The following ORC4 variants were observed in gnomAD, a reference collection of about 807,000 sequenced individuals.
ORC4 encodes origin recognition complex, subunit 4 homolog.
Under a neutral mutation model 63.9 loss-of-function variants are expected in ORC4, and 55 were observed. That is an observed-to-expected ratio of 0.86 (90% CI 0.69 to 1.08). The LOEUF (loss-of-function observed/expected upper bound fraction) is 1.08. ORC4 is among the 50% of genes least tolerant of loss of function. The pLI is 0.00. For missense variants in ORC4, 511 were observed against 504.4 expected (o/e 1.01, Z -0.13); for synonymous variants, 150 against 168.5 (o/e 0.89, Z 0.85).
chr2:147,974,304 G>A (rs2105353027), intron 2 of ORC4, among the ~76,000 whole-genome samples: 1 of 152,176 alleles, frequency 6.6e-6, no homozygotes, highest in African/African-American at 2.4e-5. Flanking sequence ...CTATAAAATA[G>A]GGACAATAAC....
chr2:147,963,496 G>A (rs566714430), intron 4 of ORC4, among the ~76,000 whole-genome samples: 1 of 152,136 alleles, frequency 6.6e-6, no homozygotes, highest in Non-Finnish European at 1.5e-5. Context: ...GAACCCCTCA[G>A]CAGATACGGC....
intron 2 of ORC4, among the ~76,000 whole-genome samples, chr2:147,973,813 T>C (rs1690367156): frequency 6.6e-6 from 1 of 152,220 alleles, no homozygotes; most frequent in South Asian, 2.1e-4. Flanking sequence ...GCCATTGTAA[T>C]GCATGTGAAC....
At chr2:147,937,581 A>G (rs1408451972) in intron 13 of ORC4, among the ~76,000 whole-genome samples, 1 of 152,180 alleles carries the variant, frequency 6.6e-6, no homozygotes, top group Admixed American at 6.5e-5. Context: ...CACATTTTTG[A>G]TATGTTGCAT....
intron 13 of ORC4, 128 bp from the exon 14 acceptor site, chr2:147,935,826 A>C: frequency 1.4e-6 from 1 of 715,694 alleles, no homozygotes; most frequent in South Asian, 1.6e-5. Flanking sequence ...AAATGTAACA[A>C]CAATCAATAG....
chr2:148,011,946 G>A (rs1477355266), intron 1 of ORC4, among the ~76,000 whole-genome samples: 1 of 151,956 alleles, frequency 6.6e-6, no homozygotes, highest in African/African-American at 2.4e-5. Context: ...ATTAATTGAA[G>A]AGGACACAAA....
chr2:148,018,539 A>G (rs1693457896), intron 1 of ORC4, among the ~76,000 whole-genome samples: 1 of 152,082 alleles, frequency 6.6e-6, no homozygotes, highest in Admixed American at 6.6e-5. Context: ...ATATTAGACT[A>G]AACTGTGGCT....
chr2:147,961,005 T>C (rs905067560), intron 4 of ORC4, among the ~76,000 whole-genome samples: 10 of 152,152 alleles, frequency 6.6e-5, no homozygotes, highest in Admixed American at 2.0e-4. Flanking sequence ...CAATTAACTA[T>C]AGAGTTAGCA....
chr2:147,961,373 G>A (rs1689579000), intron 4 of ORC4, among the ~76,000 whole-genome samples: 1 of 151,476 alleles, frequency 6.6e-6, no homozygotes, highest in South Asian at 2.1e-4. Context: ...CGAGGCAGAG[G>A]TTGCAGTGAG....
At chr2:147,975,433 G>A (rs1690492309) in intron 2 of ORC4, among the ~76,000 whole-genome samples, 1 of 150,020 alleles carries the variant, frequency 6.7e-6, no homozygotes, top group South Asian at 2.1e-4. Flanking sequence ...ACATAGACAA[G>A]AATGTCCATT....
intron 11 of ORC4, chr2:147,938,649 T>C (rs1425888722): frequency 6.7e-6 from 3 of 445,430 alleles, no homozygotes; most frequent in East Asian, 4.5e-5. Flanking sequence ...TGGCGAAATA[T>C]TATCAGGCAC....
intron 4 of ORC4, among the ~76,000 whole-genome samples, chr2:147,963,316 G>A (rs1168635056): frequency 2.6e-5 from 4 of 152,034 alleles, no homozygotes; most frequent in Admixed American, 2.6e-4. Context: ...TACTTCCCAG[G>A]TCTACAAAAT....
At chr2:147,947,449 C>T (rs1461720304) in intron 9 of ORC4, among the ~76,000 whole-genome samples, 1 of 151,974 alleles carries the variant, frequency 6.6e-6, no homozygotes, top group Non-Finnish European at 1.5e-5. Flanking sequence ...ATATTTTAAG[C>T]ACAGGTAAAT....
At chr2:147,979,847 G>A (rs1265669822) in intron 1 of ORC4, among the ~76,000 whole-genome samples, 6 of 152,166 alleles carry the variant, frequency 3.9e-5, no homozygotes, top group African/African-American at 1.4e-4. Flanking sequence ...TTCAAGAAAT[G>A]GTGTTAGGAA....
chr2:148,014,225 C>T (rs1340651051), intron 1 of ORC4, among the ~76,000 whole-genome samples: 1 of 152,098 alleles, frequency 6.6e-6, no homozygotes, highest in Non-Finnish European at 1.5e-5. Flanking sequence ...AAAATAAAAG[C>T]ACATTGCCTA....
chr2:148,021,510 GCTA>G, upstream of ORC4: 2 of 575,322 alleles, frequency 3.5e-6, no homozygotes, highest in African/African-American at 1.9e-5. Flanking sequence ...TGCTGCTGCT[GCTA>G]CTGCTGCTGC....
At chr2:147,935,914 T>C (rs769205656) in intron 13 of ORC4, among the ~76,000 whole-genome samples, 3 of 152,190 alleles carry the variant, frequency 2.0e-5, no homozygotes, top group Non-Finnish European at 2.9e-5. Context: ...TACTTGTCCA[T>C]ATATTGTTGA....
intron 4 of ORC4, among the ~76,000 whole-genome samples, chr2:147,963,860 T>G (rs1452600617): frequency 6.6e-6 from 1 of 151,872 alleles, no homozygotes; most frequent in African/African-American, 2.4e-5. Context: ...GGATTACAGC[T>G]GAAAAAACTA....
At chr2:147,944,153 G>A (rs1231109342) in intron 9 of ORC4, among the ~76,000 whole-genome samples, 1 of 152,098 alleles carries the variant, frequency 6.6e-6, no homozygotes, top group Admixed American at 6.6e-5. Context: ...ACGTTTATAG[G>A]AGTACATCTG....
chr2:148,000,254 C>T (rs770843115), intron 1 of ORC4, among the ~76,000 whole-genome samples: 3 of 151,966 alleles, frequency 2.0e-5, no homozygotes, highest in Non-Finnish European at 4.4e-5. Context: ...ACTATAGACT[C>T]ATAATAAGTA....
Sources: allele counts gnomAD v4.1 joint callset (sites outside exome capture counted in the v4.1 genomes callset), GRCh38; gene constraint gnomAD v4.1.1; transcripts MANE v1.5; gene names NCBI Gene and HGNC (gene_info 2026-07-23, HGNC 2026-07-21).